CCNY: variants seen among roughly 807,000 people sequenced by gnomAD.
The protein encoded by CCNY is cyclin Y, also known as cyclin-Y.
A neutral mutation model predicts 42.8 loss-of-function variants in CCNY; 19 were observed. That is an observed-to-expected ratio of 0.44 (90% CI 0.31 to 0.65). The LOEUF is 0.65. CCNY is among the 30% of genes least tolerant of loss of function. The pLI is 0.07. For synonymous variants in CCNY, 165 were observed against 162.7 expected, an observed-to-expected ratio of 1.01 and a Z score of -0.11; for missense variants, 370 against 437.3, an observed-to-expected ratio of 0.85 and a Z score of 1.37.
chr10:35,492,241 T>G (rs1378919473), intron 2 of CCNY, among the ~76,000 whole-genome samples: 1 of 152,206 alleles, frequency 6.6e-6, no homozygotes, highest in East Asian at 1.9e-4. Flanking sequence ...CTTTTCACCC[T>G]TCTTGTGGGT....
At chr10:35,415,445 G>A (rs750663314) in intron 1 of CCNY, among the ~76,000 whole-genome samples, 1 of 151,708 alleles carries the variant, frequency 6.6e-6, no homozygotes, top group Non-Finnish European at 1.5e-5. Flanking sequence ...AAGCCTTTTT[G>A]GGCCTTGAGA....
At chr10:35,284,648 G>A (rs1339959640) in intron 3 of CCNY, among the ~76,000 whole-genome samples, 2 of 151,066 alleles carry the variant, frequency 1.3e-5, no homozygotes, top group African/African-American at 2.4e-5. Flanking sequence ...CCTTCCTTCC[G>A]CTTGGTTAGG....
intron 2 of CCNY, among the ~76,000 whole-genome samples, chr10:35,490,645 GAAGTCTTTCCAGCACCCCTCCAGGGA>G (rs1839877577): frequency 1.3e-5 from 2 of 152,204 alleles, no homozygotes; most frequent in South Asian, 4.1e-4. Context: ...CCCAGAGCCG[GAAGTCTTTCCAGCACCCCTCCAGGGA>G]AAGTCCATAG....
chr10:35,261,435 G>T (rs1361836923), intron 3 of CCNY, among the ~76,000 whole-genome samples: 1 of 151,374 alleles, frequency 6.6e-6, no homozygotes, highest in Admixed American at 6.6e-5. Flanking sequence ...ACAGGGTTTT[G>T]CCATGTTGGC....
rs202203761 is a variant in CCNY, at chr10:35,525,968, G to A, written c.370G>A (p.Ala124Thr). Residue 124 changes from alanine (A) to threonine (T), a missense_variant, in exon 5 of 10, where the codon GCT (alanine) becomes ACT (threonine). Ala to Thr is a moderately conservative substitution (Grantham distance 58). This residue lies in a region of CCNY where 234 missense variants were observed against 313.1 expected (regional missense o/e 0.75). Coordinates refer to ENST00000374704, the MANE Select transcript of CCNY (RefSeq NM_145012.6). ...CTCTGCATTCTATTTTTACAGTGTC[G>A]CTCTTGCAATATATTATCACATCAA... is the stretch of plus-strand genomic sequence containing the variant. Reference protein sequence around the residue: ...PNLKYTIKCVALAIYYHIKNR... With the variant: ...PNLKYTIKCVTLAIYYHIKNR... 1.2e-5 allele frequency: 19 copies of A among 1,611,844 alleles called. No individual in the cohort carries two copies. Among genetic ancestry groups the A allele is most frequent in the South Asian group, 6.6e-5 (6 of 90,698 alleles).
At chr10:35,484,792 A>G (rs181728540) in intron 2 of CCNY, among the ~76,000 whole-genome samples, 2 of 152,226 alleles carry the variant, frequency 1.3e-5, no homozygotes, top group Non-Finnish European at 2.9e-5. Flanking sequence ...TTCGGGTTTC[A>G]TTCTTGCTTC....
At chr10:35,267,242 C>T (rs930940170) in intron 3 of CCNY, among the ~76,000 whole-genome samples, 10 of 149,674 alleles carry the variant, frequency 6.7e-5, no homozygotes, top group Admixed American at 1.3e-4. Context: ...CAGGAGTTTG[C>T]GGTTGCAGTG....
intron 1 of CCNY, among the ~76,000 whole-genome samples, chr10:35,442,489 G>A (rs1449212309): frequency 6.6e-6 from 1 of 152,156 alleles, no homozygotes; most frequent in Non-Finnish European, 1.5e-5. Context: ...GTACTTTGTT[G>A]GGAGTTTAGG....
chr10:35,448,017 C>G (rs1838829927), intron 1 of CCNY, among the ~76,000 whole-genome samples: 1 of 152,218 alleles, frequency 6.6e-6, no homozygotes, highest in Non-Finnish European at 1.5e-5. Context: ...TGTTCTGGTG[C>G]TCCTTGGCTC....
chr10:35,381,760 A>G (rs1837190750), intron 1 of CCNY, among the ~76,000 whole-genome samples: 1 of 152,154 alleles, frequency 6.6e-6, no homozygotes, highest in Non-Finnish European at 1.5e-5. Context: ...TATTACGTAT[A>G]TCTGTTTTTA....
chr10:35,313,809 C>G lies in CCNY; in HGVS notation c.-9+63183C>G, dbSNP rs148029830. The stretch of plus-strand genomic sequence containing the variant: ...GCAACATGTTGAAACACCGTCTCTA[C>G]CAAAAAAGATAAAAAAACTAGCCTG... On this transcript the variant is annotated intron_variant, in intron 3 of 11. Coordinates refer to the CCNY transcript ENST00000374706. 4.6e-5 allele frequency among the ~76,000 whole-genome samples: 7 copies of G among 151,686 alleles called. No homozygotes were observed. In the East Asian group the frequency reaches 1.4e-3, roughly 29 times the overall value.
chr10:35,473,501 A>G (rs1839433174), intron 1 of CCNY, among the ~76,000 whole-genome samples: 1 of 152,168 alleles, frequency 6.6e-6, no homozygotes, highest in South Asian at 2.1e-4. Context: ...AGGCGGGTCT[A>G]AGGGAGGCCC....
intron 7 of CCNY, among the ~76,000 whole-genome samples, chr10:35,539,527 G>A (rs1263480366): frequency 6.6e-6 from 1 of 152,092 alleles, no homozygotes; most frequent in African/African-American, 2.4e-5. Context: ...AGTGGCTCAC[G>A]CCTGTAATCC....
intron 1 of CCNY, among the ~76,000 whole-genome samples, chr10:35,468,201 G>A (rs1839309479): frequency 6.6e-6 from 1 of 152,198 alleles, no homozygotes; most frequent in Admixed American, 6.5e-5. Flanking sequence ...ACCTCACATG[G>A]CAAAAGGGGC....
chr10:35,567,091 C>T (rs753529055), intron 9 of CCNY, among the ~76,000 whole-genome samples: 10 of 152,186 alleles, frequency 6.6e-5, no homozygotes, highest in South Asian at 2.1e-4. Flanking sequence ...AAGCATTTCC[C>T]GCAATATAAG....
chr10:35,423,224 C>T (rs1306444690), intron 1 of CCNY, among the ~76,000 whole-genome samples: 3 of 151,982 alleles, frequency 2.0e-5, no homozygotes, highest in African/African-American at 7.3e-5. Context: ...CCTGTAATGT[C>T]AACACTTCAG....
intron 1 of CCNY, among the ~76,000 whole-genome samples, chr10:35,477,113 A>G (rs1485356342): frequency 6.6e-6 from 1 of 152,154 alleles, no homozygotes; most frequent in African/African-American, 2.4e-5. Context: ...TGAATAGACC[A>G]ATAACAGGAT....
rs771155916 is a variant in CCNY at position 35,530,138 on chromosome 10, A to T, written c.474A>T (p.Pro158=). The change falls in exon 7 of 10, where the codon CCA becomes CCT. Residue 158 remains proline (P), a synonymous_variant. Transcript: ENST00000374704. The surrounding 1 kb of genome is among the most constrained non-coding windows in gnomAD (Gnocchi z 4.3). The part of the protein sequence containing the change: ...NLHPLSKSEV[P]PDYDKHNPEQ... ...TTCTTCCCCAGAAATCCGAAGTGCCACCAGATTATGACAAACACAACCCAG... is the reference window on the plus strand; with the variant it reads ...TTCTTCCCCAGAAATCCGAAGTGCCTCCAGATTATGACAAACACAACCCAG... 1 of 1,614,208 alleles carries T rather than the reference A, an allele frequency of 6.2e-7. No homozygotes were observed.
intron 2 of CCNY, among the ~76,000 whole-genome samples, chr10:35,492,033 C>T (rs1174903079): frequency 6.6e-6 from 1 of 152,188 alleles, no homozygotes; most frequent in African/African-American, 2.4e-5. Context: ...CCATCCTCCC[C>T]TTCCTGCCTG....
Sources: allele counts gnomAD v4.1 joint callset (sites outside exome capture counted in the v4.1 genomes callset), GRCh38; gene constraint gnomAD v4.1.1; regional missense constraint gnomAD v4.1.1; non-coding constraint Gnocchi (gnomAD v3.1); transcripts MANE v1.5; gene names NCBI Gene and HGNC (gene_info 2026-07-23, HGNC 2026-07-21).